The following ABTB3 variants were observed in gnomAD, a reference collection of about 807,000 sequenced individuals.
ABTB3 encodes the protein ankyrin repeat- and BTB/POZ domain-containing protein 3.
At chr12:107,321,507 A>G in the ABTB3 span, among the ~76,000 whole-genome samples, 2 of 151,526 alleles carry the variant, frequency 1.3e-5, no homozygotes, top group Non-Finnish European at 2.9e-5. Context: ...GGGAATCCGC[A>G]CTGATCTCGG....
chr12:107,496,239 C>T, the ABTB3 span, among the ~76,000 whole-genome samples: 1 of 152,176 alleles, frequency 6.6e-6, no homozygotes. Flanking sequence ...GCCTTATCTC[C>T]AGGTACACCC....
At chr12:107,413,269 G>A in the ABTB3 span, among the ~76,000 whole-genome samples, 1 of 151,808 alleles carries the variant, frequency 6.6e-6, no homozygotes, top group African/African-American at 2.4e-5. Flanking sequence ...GCGAGACTCC[G>A]TCTCAAAAAA....
the ABTB3 span, among the ~76,000 whole-genome samples, chr12:107,649,043 T>C: frequency 6.6e-6 from 1 of 152,138 alleles, no homozygotes; most frequent in African/African-American, 2.4e-5. Flanking sequence ...TCTTCTCCCC[T>C]TAAGGTAGTG....
At chr12:107,429,082 T>C in the ABTB3 span, among the ~76,000 whole-genome samples, 3 of 152,240 alleles carry the variant, frequency 2.0e-5, no homozygotes, top group Non-Finnish European at 4.4e-5. Flanking sequence ...GGACTTGTTC[T>C]GTGAGGTGAG....
At chr12:107,369,119 T>G in the ABTB3 span, among the ~76,000 whole-genome samples, 1 of 152,218 alleles carries the variant, frequency 6.6e-6, no homozygotes. Flanking sequence ...AACTTTTTTT[T>G]CTTTTTGCTT....
chr12:107,488,171 A>G, the ABTB3 span, among the ~76,000 whole-genome samples: 1 of 152,102 alleles, frequency 6.6e-6, no homozygotes, highest in African/African-American at 2.4e-5. Flanking sequence ...TCAGAGTCAG[A>G]CCTGGGCTCA....
chr12:107,510,438 A>G, the ABTB3 span, among the ~76,000 whole-genome samples: 58,831 of 150,990 alleles, frequency 0.39, 12,046 homozygotes, highest in African/African-American at 0.5. Flanking sequence ...CACCATAACC[A>G]CCCCCACACA....
chr12:107,407,892 G>T, the ABTB3 span, among the ~76,000 whole-genome samples: 7 of 151,980 alleles, frequency 4.6e-5, no homozygotes, highest in Non-Finnish European at 1.0e-4. Context: ...TGGGGATATC[G>T]TATGGGATTT....
chr12:107,512,101 G>C, the ABTB3 span, among the ~76,000 whole-genome samples: 13 of 152,022 alleles, frequency 8.6e-5, no homozygotes, highest in African/African-American at 3.1e-4. Flanking sequence ...AATCTACATA[G>C]TTCTGTTTAC....
At chr12:107,483,723 G>C in the ABTB3 span, among the ~76,000 whole-genome samples, 2 of 152,124 alleles carry the variant, frequency 1.3e-5, no homozygotes, top group Admixed American at 1.3e-4. Flanking sequence ...TTCTCACTCT[G>C]TCACCCAGGC....
chr12:107,492,391 G>A, the ABTB3 span, among the ~76,000 whole-genome samples: 4 of 152,202 alleles, frequency 2.6e-5, no homozygotes, highest in South Asian at 2.1e-4. Flanking sequence ...TCTCCATCTC[G>A]CAGGTAGATC....
the ABTB3 span, among the ~76,000 whole-genome samples, chr12:107,508,448 T>TGTTTTG: frequency 6.0e-5 from 7 of 117,324 alleles, no homozygotes; most frequent in South Asian, 3.3e-4. Flanking sequence ...CTTTTTTTTT[T>TGTTTTG]TTTTTTTTTT....
chr12:107,369,093 T>A, the ABTB3 span, among the ~76,000 whole-genome samples: 1 of 152,236 alleles, frequency 6.6e-6, no homozygotes, highest in South Asian at 2.1e-4. Flanking sequence ...CTAATTTTGA[T>A]GTAATCAAAT....
At chr12:107,489,522 AAAAC>A in the ABTB3 span, among the ~76,000 whole-genome samples, 442 of 152,130 alleles carry the variant, frequency 2.9e-3, 2 homozygotes, top group African/African-American at 4.4e-3. Context: ...CCATCTCACA[AAAAC>A]AAACAAACAA....
chr12:107,582,781 G>A, the ABTB3 span, among the ~76,000 whole-genome samples: 2 of 152,160 alleles, frequency 1.3e-5, no homozygotes, highest in African/African-American at 4.8e-5. Context: ...GCTGCCTCCT[G>A]TTTTCAGGGG....
the ABTB3 span, among the ~76,000 whole-genome samples, chr12:107,528,471 A>G: frequency 5.0e-3 from 764 of 152,282 alleles, 6 homozygotes; most frequent in African/African-American, 0.018. Flanking sequence ...GTGATTCCCA[A>G]ATGGCTGATA....
the ABTB3 span, among the ~76,000 whole-genome samples, chr12:107,605,453 A>G: frequency 2.2e-4 from 34 of 152,326 alleles, no homozygotes; most frequent in Admixed American, 4.6e-4. Flanking sequence ...AGGACCTTCC[A>G]GGGAGAGGGA....
At chr12:107,587,323 G>A in the ABTB3 span, among the ~76,000 whole-genome samples, 6 of 152,196 alleles carry the variant, frequency 3.9e-5, no homozygotes, top group African/African-American at 9.7e-5. Context: ...GGGCTGAGGC[G>A]GGCAGGGGCA....
chr12:107,532,821 AT>A, the ABTB3 span, among the ~76,000 whole-genome samples: 1 of 152,130 alleles, frequency 6.6e-6, no homozygotes, highest in African/African-American at 2.4e-5. Flanking sequence ...CTAGAAACAG[AT>A]TTCTCAGCAG....
Sources: allele counts gnomAD v4.1 joint callset (sites outside exome capture counted in the v4.1 genomes callset), GRCh38; gene constraint gnomAD v4.1.1; transcripts MANE v1.5; gene names NCBI Gene and HGNC (gene_info 2026-07-23, HGNC 2026-07-21).